The following CYB5R4 variants were observed in gnomAD, a reference collection of about 807,000 sequenced individuals.
CYB5R4 encodes N-terminal cytochrome b5 and cytochrome b5 oxidoreductase domain-containing protein.
Under a neutral mutation model 70.2 loss-of-function variants are expected in CYB5R4, and 55 were observed. The observed-to-expected ratio is 0.78, with a 90% confidence interval of 0.63 to 0.98. The LOEUF is 0.98. CYB5R4 is among the 50% of genes least tolerant of loss of function. CYB5R4 has a pLI of 0.00. For missense variants in CYB5R4, 562 were observed against 612.6 expected (o/e 0.92, Z 0.87); for synonymous variants, 197 against 199.5 (o/e 0.99, Z 0.11).
chr6:83,876,518 G>T (rs2099458582), intron 2 of CYB5R4, among the ~76,000 whole-genome samples: 1 of 141,488 alleles, frequency 7.1e-6, no homozygotes. Context: ...TTTAGCAGCT[G>T]CTCTAAGGGT....
rs572728130 is a variant in CYB5R4 at position 83,966,142 on chromosome 6, T to C, written c.*6264T>C. Reference sequence around the variant, plus strand: ...GGATACAGGAATAGGGGATAATAACTAAAGGGTTGGGAGGGTGTTTTTGAA... The same window carrying C: ...GGATACAGGAATAGGGGATAATAACCAAAGGGTTGGGAGGGTGTTTTTGAA... On this transcript the variant is annotated 3_prime_UTR_variant, in exon 16 of 16. Coordinates refer to ENST00000369681, the MANE Select transcript of CYB5R4 (RefSeq NM_016230.4). 3 of 152,288 alleles carry C rather than the reference T, an allele frequency of 2.0e-5. No individual in the cohort carries two copies. The highest frequency in any genetic ancestry group is 2.1e-4 in the South Asian group (1 of 4,826). 9.4% of individuals were successfully genotyped at this position (152,288 alleles called of 1,614,324 possible).
intron 1 of CYB5R4, 60 bp from the exon 2 acceptor site, chr6:83,864,114 CT>C: frequency 7.0e-7 from 1 of 1,420,076 alleles, no homozygotes; most frequent in Non-Finnish European, 9.4e-7. Flanking sequence ...GTTTTATTAT[CT>C]TTTAAAATGG....
chr6:83,921,489 A>G (rs1365209133), intron 8 of CYB5R4, among the ~76,000 whole-genome samples: 1 of 152,220 alleles, frequency 6.6e-6, no homozygotes, highest in Non-Finnish European at 1.5e-5. Flanking sequence ...CATTGGTCAC[A>G]TGTCTTACTG....
chr6:83,902,416 A>G (rs2099463126), intron 3 of CYB5R4, among the ~76,000 whole-genome samples: 1 of 152,176 alleles, frequency 6.6e-6, no homozygotes, highest in African/African-American at 2.4e-5. Flanking sequence ...TGTTTTGGTT[A>G]CTACAGCCTT....
chr6:83,936,316 T>C lies in CYB5R4; in HGVS notation c.1048T>C (p.Phe350Leu), dbSNP rs1036992836. Reference protein sequence around the residue: ...PVLPNNKYIYFLIKIYPTGLF... With the variant: ...PVLPNNKYIYLLIKIYPTGLF... The stretch of plus-strand genomic sequence containing the variant: ...TCTTCCCAACAATAAATACATCTAC[T>C]TTTTGATAAAAATCTATCCCACTGG... The change falls in exon 12 of 16, where the codon TTT (phenylalanine) becomes CTT (leucine). Residue 350 changes from phenylalanine to leucine, a missense_variant. By Grantham distance (22) the Phe-to-Leu change is conservative (BLOSUM62 0). Coordinates refer to ENST00000369681, the MANE Select transcript of CYB5R4 (RefSeq NM_016230.4). 1 of 1,613,018 alleles carries C rather than the reference T, an allele frequency of 6.2e-7. No individual in the cohort carries two copies. Among genetic ancestry groups the C allele is most frequent in the Non-Finnish European group, 8.5e-7 (1 of 1,179,366 alleles).
chr6:83,941,862 G>C (rs1482533459), intron 14 of CYB5R4, among the ~76,000 whole-genome samples: 1 of 152,156 alleles, frequency 6.6e-6, no homozygotes, highest in African/African-American at 2.4e-5. Flanking sequence ...AATTGGAAGC[G>C]TTTATCAAGA....
At chr6:83,950,736 A>C (rs1333553216) in intron 14 of CYB5R4, among the ~76,000 whole-genome samples, 2 of 152,238 alleles carry the variant, frequency 1.3e-5, no homozygotes, top group Non-Finnish European at 1.5e-5. Flanking sequence ...TTATATAGAA[A>C]AGGTATAAGA....
intron 10 of CYB5R4, among the ~76,000 whole-genome samples, chr6:83,924,883 G>T (rs1268341750): frequency 6.6e-6 from 1 of 152,028 alleles, no homozygotes; most frequent in African/African-American, 2.4e-5. Flanking sequence ...TCTCTTTCAG[G>T]TCCCCTTTTG....
chr6:83,927,473 A>C (rs1013009751), intron 10 of CYB5R4, among the ~76,000 whole-genome samples: 2 of 152,176 alleles, frequency 1.3e-5, no homozygotes, highest in East Asian at 3.9e-4. Context: ...AGCTACCTAT[A>C]AATCAGTGTT....
rs1202835838 is a variant in CYB5R4, at chr6:83,951,201, CTG to C, written c.1347-4095_1347-4094del. Among the ~76,000 whole-genome samples, 16 of 152,178 alleles carry C rather than the reference CTG, an allele frequency of 1.1e-4. 1 individual carries two copies. The highest frequency in any genetic ancestry group is 9.8e-4 in the Admixed American group (15 of 15,272). On this transcript the variant is annotated intron_variant, in intron 14 of 15. Coordinates refer to ENST00000369681, the MANE Select transcript of CYB5R4 (RefSeq NM_016230.4). ...TACCATAATTTAGTTAACCAATTCT[CTG>C]TTATTTGACATAGTGACTAGAAATT...
At chr6:83,932,462 T>G (rs2099468301) in intron 10 of CYB5R4, among the ~76,000 whole-genome samples, 1 of 152,136 alleles carries the variant, frequency 6.6e-6, no homozygotes, top group African/African-American at 2.4e-5. Flanking sequence ...AGCTGTAAAG[T>G]TATCAAGATG....
chr6:83,899,137 G>C (rs1437872735), intron 3 of CYB5R4, among the ~76,000 whole-genome samples: 1 of 151,998 alleles, frequency 6.6e-6, no homozygotes, highest in African/African-American at 2.4e-5. Context: ...GAGATATGTG[G>C]CATCAGTACC....
At chr6:83,936,181 G>C (rs1442426317) in intron 11 of CYB5R4, 43 bp from the exon 12 acceptor site, 4 of 1,435,702 alleles carry the variant, frequency 2.8e-6, no homozygotes, top group Non-Finnish European at 3.7e-6. Context: ...GAGATTTTTG[G>C]ATTTTTAGAA....
At chr6:83,920,079 G>A (rs1394919302) in intron 7 of CYB5R4, among the ~76,000 whole-genome samples, 2 of 152,078 alleles carry the variant, frequency 1.3e-5, no homozygotes, top group African/African-American at 2.4e-5. Flanking sequence ...GGTCAGATAC[G>A]TAGAGACCTG....
At chr6:83,908,967 A>G in intron 3 of CYB5R4, 42 bp from the exon 4 acceptor site, 1 of 1,522,582 alleles carries the variant, frequency 6.6e-7, no homozygotes. Context: ...CATCCTGTGG[A>G]GTTAGTCATG....
chr6:83,909,968 T>A, intron 4 of CYB5R4: 1 of 1,484,970 alleles, frequency 6.7e-7, no homozygotes, highest in Non-Finnish European at 9.2e-7. Flanking sequence ...AGAAACCATC[T>A]TATATGCATT....
chr6:83,868,455 GGATATAAAAAAT>G (rs2129128239), intron 2 of CYB5R4, among the ~76,000 whole-genome samples: 1 of 152,170 alleles, frequency 6.6e-6, no homozygotes, highest in Admixed American at 6.5e-5. Flanking sequence ...GCTGACAGTG[GGATATAAAAAAT>G]GAGCATCAGT....
rs2099466940 is a variant in CYB5R4, at chr6:83,924,406, G to GTATTTA, written c.692-64_692-63insTATTTA. ...ACACTTGTACTATTTGAGAAATACT[G>GTATTTA]GTTTTAAAATAAAATCTTGTATTTA... On this transcript the variant is annotated intron_variant, in intron 9 of 15. Coordinates refer to ENST00000369681, the MANE Select transcript of CYB5R4 (RefSeq NM_016230.4). 6 of 1,525,110 alleles carry GTATTTA rather than the reference G, an allele frequency of 3.9e-6. No individual in the cohort carries two copies. The African/African-American group carries it at 6.9e-5, about 18-fold the overall frequency. 94.5% of individuals were successfully genotyped at this position (1,525,110 alleles called of 1,614,324 possible).
At chr6:83,886,596 A>G (rs1013528096) in intron 2 of CYB5R4, among the ~76,000 whole-genome samples, 1 of 152,198 alleles carries the variant, frequency 6.6e-6, no homozygotes, top group Non-Finnish European at 1.5e-5. Flanking sequence ...TAGAGACAGA[A>G]GGTAGACTAG....
Sources: allele counts gnomAD v4.1 joint callset (sites outside exome capture counted in the v4.1 genomes callset), GRCh38; gene constraint gnomAD v4.1.1; transcripts MANE v1.5; gene names NCBI Gene and HGNC (gene_info 2026-07-23, HGNC 2026-07-21).